TRMT44: variants seen among roughly 807,000 people sequenced by gnomAD.
TRMT44 encodes the protein tRNA methyltransferase 44 homolog.
A neutral mutation model predicts 77.3 loss-of-function variants in TRMT44; 78 were observed. That is an observed-to-expected ratio of 1.01 (90% CI 0.84 to 1.22). TRMT44 has a LOEUF of 1.22. Ranked by LOEUF, TRMT44 falls within the 50% of genes most tolerant of loss-of-function variation. TRMT44 has a pLI of 0.00. For synonymous variants in TRMT44, 391 were observed against 383.3 expected, an observed-to-expected ratio of 1.02 and a Z score of -0.23; for missense variants, 1,090 against 964.4, an observed-to-expected ratio of 1.13 and a Z score of -1.73.
chr4:8,450,367 A>G (rs1321075217), intron 3 of TRMT44, among the ~76,000 whole-genome samples: 1 of 152,148 alleles, frequency 6.6e-6, no homozygotes, highest in Non-Finnish European at 1.5e-5. Context: ...ATGGAAAAGG[A>G]TTGATCTTTA....
At position 8,449,859 on chromosome 4, in the gene TRMT44, CT is replaced by C; in HGVS notation, c.927del (p.Glu311ArgfsTer31). 1 of 1,522,354 alleles carries C rather than the reference CT, an allele frequency of 6.6e-7. No individual in the cohort carries two copies. The highest frequency in any genetic ancestry group is 8.8e-7 in the Non-Finnish European group (1 of 1,138,944). The allele number at this position is 1,522,354 out of a possible 1,614,324, so 94.3% of individuals were successfully genotyped here. ...IMKYSKAYQE[L>X]KEKYKEMVKV... ...GAAGTATAGCAAGGCTTACCAGGAA[CT>C]TAAAGAGAAGTATAAGGAAATGGTT... On this transcript the variant is annotated frameshift_variant, in exon 3 of 11. Transcript: ENST00000389737. LOFTEE classifies it high-confidence loss of function.
In TRMT44 at chr4:8,451,858, G is replaced by A. The variant is rs1217524274; in HGVS notation, c.955-102G>A. 3.0e-5 allele frequency: 31 copies of A among 1,017,940 alleles called. No individual in the cohort carries two copies. Among genetic ancestry groups the A allele is most frequent in the Middle Eastern group, 4.0e-4 (2 of 4,988 alleles). The allele number at this position is 1,017,940 out of a possible 1,614,324, so 63.1% of individuals were successfully genotyped here. On this transcript the variant is annotated intron_variant, in intron 3 of 10. Coordinates refer to ENST00000389737, the MANE Select transcript of TRMT44 (RefSeq NM_152544.3). The surrounding 1 kb of genome is among the most constrained non-coding windows in gnomAD (Gnocchi z 4.1). ...GCTTATGTTTCCTATTTTAGTGTAC[G>A]ATTAGTCCAGTTTGATTTATGCTTT...
At chr4:8,504,271 C>A in the TRMT44 span, among the ~76,000 whole-genome samples, 68 of 152,350 alleles carry the variant, frequency 4.5e-4, no homozygotes, top group African/African-American at 1.5e-3. The surrounding 1 kb of genome is among the most constrained non-coding windows in gnomAD (Gnocchi z 5.3). Context: ...CTCCTGCGCT[C>A]CTGCAGGGCT....
the TRMT44 span, chr4:8,512,051 T>C: frequency 1.3e-5 from 2 of 152,174 alleles, no homozygotes; most frequent in African/African-American, 4.8e-5. Flanking sequence ...TTGTTGTTGT[T>C]GTTTTCCCAT....
chr4:8,496,493 G>A (rs1020492949), downstream of TRMT44, among the ~76,000 whole-genome samples: 6 of 152,188 alleles, frequency 3.9e-5, no homozygotes, highest in African/African-American at 1.4e-4. Flanking sequence ...CCCGCCCCAT[G>A]CAGGAGCTCA....
chr4:8,500,078 A>G, the TRMT44 span, among the ~76,000 whole-genome samples: 1 of 151,766 alleles, frequency 6.6e-6, no homozygotes, highest in Non-Finnish European at 1.5e-5. Flanking sequence ...AAAAAATTAA[A>G]AATTAGCTGG....
At chr4:8,506,355 C>G in the TRMT44 span, among the ~76,000 whole-genome samples, 3 of 152,192 alleles carry the variant, frequency 2.0e-5, no homozygotes, top group Non-Finnish European at 2.9e-5. Context: ...CCTCTGTTAC[C>G]CAGAAAACGG....
At chr4:8,513,811 G>A in the TRMT44 span, among the ~76,000 whole-genome samples, 1 of 152,196 alleles carries the variant, frequency 6.6e-6, no homozygotes, top group African/African-American at 2.4e-5. Context: ...TCAGGGAAAT[G>A]AGGATTGAGA....
At chr4:8,454,640 C>A in intron 5 of TRMT44, 102 bp from the exon 6 acceptor site, 1 of 1,098,626 alleles carries the variant, frequency 9.1e-7, no homozygotes, top group South Asian at 1.3e-5. Flanking sequence ...CTTCTCTTGC[C>A]CTTCGTCCTG....
chr4:8,493,635 C>T (rs1339104583), downstream of TRMT44: 1 of 152,176 alleles, frequency 6.6e-6, no homozygotes, highest in Non-Finnish European at 1.5e-5. Flanking sequence ...GAGGCATTCA[C>T]TCCTCTGTCT....
the TRMT44 span, among the ~76,000 whole-genome samples, chr4:8,506,089 C>T: frequency 5.9e-5 from 9 of 152,222 alleles, no homozygotes; most frequent in East Asian, 1.9e-4. Flanking sequence ...TAGTTGGGGA[C>T]GAGGGCTGTG....
rs1724943478 is a variant in TRMT44 at position 8,444,512 on chromosome 4, C to G, written c.620-1964C>G. Among the ~76,000 whole-genome samples the G allele has an allele frequency of 6.6e-6, 1 of 151,836 alleles. No homozygotes were observed. Among genetic ancestry groups the G allele is most frequent in the African/African-American group, 2.4e-5 (1 of 41,322 alleles). ...TCCTGGGTTCGAGCGATTCTCCTAACTTAGCCTCCCAAGCAGCTGGGATTA... is the reference window on the plus strand; with the variant it reads ...TCCTGGGTTCGAGCGATTCTCCTAAGTTAGCCTCCCAAGCAGCTGGGATTA... On this transcript the variant is annotated intron_variant, in intron 1 of 10. Coordinates refer to ENST00000389737, the MANE Select transcript of TRMT44 (RefSeq NM_152544.3). This position sits in a 1 kb window ranked among gnomAD's most constrained non-coding sequence, Gnocchi z 4.0.
At chr4:8,471,295 G>A in intron 10 of TRMT44, 95 bp downstream of exon 10, 1 of 866,186 alleles carries the variant, frequency 1.2e-6, no homozygotes, top group Non-Finnish European at 1.7e-6. Context: ...TAGACTCACT[G>A]AAGAATCTGA....
chr4:8,472,559 C>T (rs1727081701), intron 10 of TRMT44, among the ~76,000 whole-genome samples: 1 of 152,070 alleles, frequency 6.6e-6, no homozygotes, highest in Admixed American at 6.5e-5. Context: ...CACAAGAGTG[C>T]AAGCGTGTGG....
the TRMT44 span, among the ~76,000 whole-genome samples, chr4:8,510,053 G>A: frequency 0.025 from 3,848 of 152,266 alleles, 154 homozygotes; most frequent in African/African-American, 0.087. Context: ...CGGGCTGGAC[G>A]TAGACATGGG....
Position 8,441,315 on chromosome 4 carries a change from A to G in TRMT44, c.493A>G (p.Thr165Ala). 1.3e-6 allele frequency: 2 copies of G among 1,535,564 alleles called. No homozygotes were observed. Residue 165 changes from threonine to alanine, a missense_variant, in exon 1 of 11, where the codon ACC (threonine) becomes GCC (alanine). By Grantham distance (58) the Thr-to-Ala change is moderately conservative. Coordinates refer to ENST00000389737, the MANE Select transcript of TRMT44 (RefSeq NM_152544.3). ...CAATTCGGAGTTGCTGGCCTTCCTC[A>G]CCAGCTCCGGGGCGGGATCGCAGCC... The part of the protein sequence containing the change: ...RGNSELLAFL[T>A]SSGAGSQPEA...
At chr4:8,455,463 G>T (rs1579052803) in intron 6 of TRMT44, among the ~76,000 whole-genome samples, 1 of 152,178 alleles carries the variant, frequency 6.6e-6, no homozygotes, top group East Asian at 1.9e-4. Context: ...GCAGTCCCAC[G>T]TAATTTCTCT....
intron 9 of TRMT44, chr4:8,468,700 T>C (rs1396476620): frequency 4.2e-6 from 2 of 475,868 alleles, no homozygotes; most frequent in Admixed American, 7.5e-5. Flanking sequence ...CCCTTGAGTA[T>C]GTGGTAAGAT....
At chr4:8,507,777 G>A in the TRMT44 span, among the ~76,000 whole-genome samples, 2 of 152,124 alleles carry the variant, frequency 1.3e-5, no homozygotes, top group Admixed American at 6.5e-5. Context: ...TCCGGCCCCC[G>A]CTCCTTCACC....
Sources: gnomAD v4.1 joint callset for allele counts (sites outside exome capture counted in the v4.1 genomes callset) on GRCh38, gnomAD v4.1.1 for gene constraint, Gnocchi (gnomAD v3.1) non-coding constraint, MANE v1.5 for transcripts, NCBI Gene and HGNC (gene_info 2026-07-23, HGNC 2026-07-21) for gene names.